TMEM175: variants seen among roughly 807,000 people sequenced by gnomAD.
TMEM175 encodes the protein transmembrane protein 175.
TMEM175 carries 36 observed loss-of-function variants against 36.5 expected under a neutral mutation model. The ratio of observed to expected loss-of-function variants is 0.99; its 90% CI spans 0.76 to 1.30. The LOEUF is 1.30. Ranked by LOEUF, TMEM175 falls within the 50% of genes most tolerant of loss-of-function variation. The pLI is 0.00. For missense variants in TMEM175, 705 were observed against 692.8 expected, an observed-to-expected ratio of 1.02 and a Z score of -0.20; for synonymous variants, 339 against 313.4, an observed-to-expected ratio of 1.08 and a Z score of -0.86.
At position 957,899 on chromosome 4, in the gene TMEM175, C is replaced by T. The variant is rs376761003; in HGVS notation, c.918C>T (p.Thr306=). 6.6e-5 allele frequency: 107 copies of T among 1,612,814 alleles called. No homozygotes were observed. Among genetic ancestry groups the T allele is most frequent in the South Asian group, 2.5e-4 (23 of 91,068 alleles). Residue 306 remains threonine, a synonymous_variant, in exon 11 of 11, where the codon ACC becomes ACT. Coordinates refer to ENST00000264771, the MANE Select transcript of TMEM175 (RefSeq NM_032326.4). The part of the protein sequence containing the change: ...SGSLVAALSA[T]GPRFLAYFGS... ...GCCTCGTGGCCGCCCTGAGTGCGAC[C>T]GGGCCGCGCTTCCTGGCGTACTTCG...
At chr4:952,785 G>A (rs1167615019) in intron 7 of TMEM175, among the ~76,000 whole-genome samples, 3 of 151,636 alleles carry the variant, frequency 2.0e-5, no homozygotes, top group Non-Finnish European at 4.4e-5. Context: ...GTATGTGTGT[G>A]TGTATATGTG....
At chr4:956,204 C>A in intron 10 of TMEM175, 1 of 900,282 alleles carries the variant, frequency 1.1e-6, no homozygotes, top group Non-Finnish European at 1.5e-6. Flanking sequence ...GCTCAGCAGC[C>A]ATGGGTATCC....
chr4:947,167 G>A (rs866662103), intron 1 of TMEM175, among the ~76,000 whole-genome samples: 12 of 147,020 alleles, frequency 8.2e-5, no homozygotes, highest in East Asian at 2.1e-4. Context: ...CCAGGCATAC[G>A]TGCACAGGTG....
chr4:945,009 G>T (rs1412776838), intron 1 of TMEM175, among the ~76,000 whole-genome samples: 1 of 152,132 alleles, frequency 6.6e-6, no homozygotes, highest in Admixed American at 6.6e-5. Context: ...AGGCTGAGGT[G>T]GGAGGATCAC....
Position 955,754 on chromosome 4 carries a change from G to A in TMEM175, c.707-1G>A. On this transcript the variant is annotated splice_acceptor_variant, in intron 9 of 10. Transcript: ENST00000264771. LOFTEE classifies it high-confidence loss of function. ...GCTCCACCCTCCTGGCGTGTCCCCA[G>A]GCCACAGGGAGCCCTCGGCTCACCC... The A allele has an allele frequency of 6.2e-7, 1 of 1,613,092 alleles. No individual in the cohort carries two copies. Among genetic ancestry groups the A allele is most frequent in the Non-Finnish European group, 8.5e-7 (1 of 1,179,674 alleles).
At chr4:948,979 C>T (rs989018822) in intron 3 of TMEM175, among the ~76,000 whole-genome samples, 1 of 152,120 alleles carries the variant, frequency 6.6e-6, no homozygotes, top group Non-Finnish European at 1.5e-5. Flanking sequence ...GGAGCCTGGC[C>T]CAGTCTGCAG....
intron 10 of TMEM175, chr4:956,221 C>A: frequency 9.7e-7 from 1 of 1,031,306 alleles, no homozygotes; most frequent in Non-Finnish European, 1.3e-6. Flanking sequence ...ATCCCCCTGC[C>A]CCAGGCCTCA....
At position 948,567 on chromosome 4, in the gene TMEM175, C is replaced by A. The variant is rs1404466251; in HGVS notation, c.192+413C>A. On this transcript the variant is annotated intron_variant, in intron 3 of 10. Coordinates refer to ENST00000264771, the MANE Select transcript of TMEM175 (RefSeq NM_032326.4). The stretch of plus-strand genomic sequence containing the variant: ...GCTCTGAGTAAACGCGGCCAGCGCC[C>A]CGTCTCAGCGGGGACACTCCCACCC... 7 of 1,326,230 alleles carry A rather than the reference C, an allele frequency of 5.3e-6. No homozygotes were observed. In the South Asian group the frequency reaches 8.6e-5, roughly 16 times the overall value. The allele number at this position is 1,326,230 out of a possible 1,614,324, so 82.2% of individuals were successfully genotyped here. A position where few individuals can be genotyped will look rare whatever the true frequency, so the allele number is the denominator to read the frequency against.
intron 8 of TMEM175, 29 bp from the exon 9 acceptor site, chr4:955,376 G>A (rs1435000815): frequency 6.3e-7 from 1 of 1,594,220 alleles, no homozygotes; most frequent in Non-Finnish European, 8.6e-7. Flanking sequence ...CCTGTGGAGG[G>A]CACTGACCTG....
chr4:952,262 C>G, intron 6 of TMEM175, 105 bp from the exon 7 acceptor site: 1 of 1,021,712 alleles, frequency 9.8e-7, no homozygotes, highest in African/African-American at 1.6e-5. Flanking sequence ...CACCGCATCT[C>G]CCAGCGTCCC....
At chr4:942,062 T>C (rs1727585138) in intron 1 of TMEM175, among the ~76,000 whole-genome samples, 1 of 128,236 alleles carries the variant, frequency 7.8e-6, no homozygotes, top group African/African-American at 3.0e-5. Context: ...TCATTCTTTT[T>C]TTTTCTTTTT....
At chr4:934,861 G>GA (rs1261658097) in intron 1 of TMEM175, among the ~76,000 whole-genome samples, 3 of 152,194 alleles carry the variant, frequency 2.0e-5, no homozygotes, top group African/African-American at 7.2e-5. Context: ...TTGGACATAG[G>GA]AAAAACACTC....
At chr4:955,513 G>T (rs747506996) in intron 9 of TMEM175, 30 bp downstream of exon 9, 35 of 1,601,518 alleles carry the variant, frequency 2.2e-5, no homozygotes, top group Non-Finnish European at 2.8e-5. Context: ...GCTGGCCTGA[G>T]AGGCCTGTAG....
intron 10 of TMEM175, chr4:956,270 C>T: frequency 1.6e-6 from 2 of 1,274,018 alleles, no homozygotes; most frequent in Non-Finnish European, 2.0e-6. Flanking sequence ...TCCCTAGTCC[C>T]TCCCATTCCC....
chr4:955,697 C>A (rs906842026), intron 9 of TMEM175, 58 bp from the exon 10 acceptor site: 3 of 1,587,166 alleles, frequency 1.9e-6, no homozygotes, highest in Non-Finnish European at 2.6e-6. Flanking sequence ...GACAGCCACG[C>A]GGGCTCTACC....
intron 1 of TMEM175, among the ~76,000 whole-genome samples, chr4:938,377 G>A (rs60684016): frequency 0.037 from 5,587 of 152,160 alleles, 183 homozygotes; most frequent in East Asian, 0.16. Context: ...GGTGGCGGGC[G>A]CCTGTAATCC....
chr4:955,589 G>GT, intron 9 of TMEM175, 106 bp downstream of exon 9: 4 of 1,447,732 alleles, frequency 2.8e-6, no homozygotes, highest in Non-Finnish European at 3.8e-6. Context: ...CGTGTGCGTG[G>GT]TGGTGGCTGG....
At chr4:955,713 A>C in intron 9 of TMEM175, 42 bp from the exon 10 acceptor site, 1 of 1,601,968 alleles carries the variant, frequency 6.2e-7, no homozygotes, top group Non-Finnish European at 8.5e-7. Flanking sequence ...CTACCTCCAC[A>C]TGGGGGGTTT....
chr4:958,123 CCAT>C lies in TMEM175; in HGVS notation c.1147_1149del (p.Ile383del). 1.2e-6 allele frequency: 2 copies of C among 1,603,398 alleles called. No homozygotes were observed. The highest frequency in any genetic ancestry group is 1.7e-6 in the Non-Finnish European group (2 of 1,179,706). ...CTGGAGCGCGTGCGTGTCAGCTGCA[CCAT>C]CATCTTCCTGGCCAGCATCTTCCAG... On this transcript the variant is annotated inframe_deletion, in exon 11 of 11. Coordinates refer to ENST00000264771, the MANE Select transcript of TMEM175 (RefSeq NM_032326.4).
Sources: allele counts gnomAD v4.1 joint callset (sites outside exome capture counted in the v4.1 genomes callset), GRCh38; gene constraint gnomAD v4.1.1; transcripts MANE v1.5; gene names NCBI Gene and HGNC (gene_info 2026-07-23, HGNC 2026-07-21).